Variants in NRG1 observed in about 807,000 individuals in gnomAD.
NRG1 encodes neuregulin 1, also known as pro-neuregulin-1, membrane-bound isoform.
A neutral mutation model predicts 63.8 loss-of-function variants in NRG1; 18 were observed. The observed-to-expected ratio is 0.28, with a 90% confidence interval of 0.19 to 0.42. The LOEUF is 0.42. Among genes scored for constraint, NRG1 ranks in the 10% least tolerant of loss-of-function variants. NRG1 has a pLI of 1.00. For synonymous variants in NRG1, 302 were observed against 301.3 expected (o/e 1.00, Z -0.02); for missense variants, 762 against 814.7 (o/e 0.94, Z 0.79).
At chr8:31,882,048 A>C (rs1330682112) in intron 1 of NRG1, among the ~76,000 whole-genome samples, 1 of 152,158 alleles carries the variant, frequency 6.6e-6, no homozygotes, top group Non-Finnish European at 1.5e-5. Flanking sequence ...TTTCTTTTGG[A>C]AGAAGATGCC....
At chr8:32,255,161 G>A (rs1251636077) in intron 1 of NRG1, among the ~76,000 whole-genome samples, 1 of 152,138 alleles carries the variant, frequency 6.6e-6, no homozygotes, top group Non-Finnish European at 1.5e-5. Flanking sequence ...GCCAGTCTGT[G>A]TCTTTAATTG....
intron 1 of NRG1, among the ~76,000 whole-genome samples, chr8:32,504,522 G>C (rs1828296881): frequency 6.6e-6 from 1 of 152,048 alleles, no homozygotes; most frequent in African/African-American, 2.4e-5. Flanking sequence ...ATACCATCAT[G>C]AAGTGAGGAA....
rs190611738 is a variant in NRG1 at position 31,904,473 on chromosome 8, A to G, written c.37+265042A>G. 2.5e-3 allele frequency among the ~76,000 whole-genome samples: 375 copies of G among 152,320 alleles called. 1 individual carries two copies. Among genetic ancestry groups the G allele is most frequent in the Middle Eastern group, 6.8e-3 (2 of 294 alleles). ...TGTAAATTACCTCAGCTACTGTGGA[A>G]AGCAGTTAGTCAGTTTCTCAAAGAA... is the stretch of plus-strand genomic sequence containing the variant. On this transcript the variant is annotated intron_variant, in intron 1 of 10. Coordinates refer to the NRG1 transcript ENST00000519301.
At chr8:31,902,178 A>G (rs970104234) in intron 1 of NRG1, among the ~76,000 whole-genome samples, 3 of 152,226 alleles carry the variant, frequency 2.0e-5, no homozygotes, top group Non-Finnish European at 2.9e-5. Context: ...TTATTAGAAA[A>G]ACAAGTAGGA....
intron 1 of NRG1, among the ~76,000 whole-genome samples, chr8:32,563,622 A>G (rs947493779): frequency 2.6e-5 from 4 of 152,210 alleles, no homozygotes; most frequent in Non-Finnish European, 4.4e-5. Context: ...GCTGAGCAGC[A>G]GAAAGATATG....
chr8:32,222,396 T>C (rs1845913420), intron 1 of NRG1, among the ~76,000 whole-genome samples: 4 of 152,176 alleles, frequency 2.6e-5, no homozygotes, highest in Admixed American at 2.0e-4. Flanking sequence ...ATTTCTAAAG[T>C]TCTGTGTAAC....
chr8:31,871,902 T>C (rs1171766690), intron 1 of NRG1, among the ~76,000 whole-genome samples: 1 of 152,200 alleles, frequency 6.6e-6, no homozygotes, highest in African/African-American at 2.4e-5. Context: ...GAGAGAAATG[T>C]GAATTCAAAA....
At chr8:32,076,419 G>C (rs1467020347) in intron 1 of NRG1, among the ~76,000 whole-genome samples, 1 of 79,570 alleles carries the variant, frequency 1.3e-5, no homozygotes, top group African/African-American at 4.5e-5. Context: ...ATACCAAAAA[G>C]AAAATAATTC....
At chr8:32,584,057 A>C (rs111977432) in intron 1 of NRG1, among the ~76,000 whole-genome samples, 38,941 of 151,894 alleles carry the variant, frequency 0.26, 5,099 homozygotes, top group South Asian at 0.33. Flanking sequence ...AATAGGGGAG[A>C]CTATTTGGAC....
At chr8:31,978,736 T>C (rs1808595504) in intron 1 of NRG1, among the ~76,000 whole-genome samples, 1 of 152,134 alleles carries the variant, frequency 6.6e-6, no homozygotes, top group South Asian at 2.1e-4. Context: ...CAGCACCCTG[T>C]TTGCCAGATG....
At chr8:32,485,840 T>C (rs1043621233) in intron 1 of NRG1, among the ~76,000 whole-genome samples, 33 of 152,238 alleles carry the variant, frequency 2.2e-4, no homozygotes, top group Admixed American at 1.5e-3. Context: ...ATACCAATTA[T>C]ATCTTTCCCA....
chr8:31,894,081 T>G (rs1831365224), intron 1 of NRG1, among the ~76,000 whole-genome samples: 1 of 152,004 alleles, frequency 6.6e-6, no homozygotes, highest in South Asian at 2.1e-4. Flanking sequence ...AAAATTTTAA[T>G]AGTCTGACAG....
Position 32,073,652 on chromosome 8 carries a change from A to G in NRG1, c.37+434221A>G, listed in dbSNP as rs139992295. 1.1e-3 allele frequency among the ~76,000 whole-genome samples: 174 copies of G among 152,330 alleles called. 2 individuals are homozygous for G. In the East Asian group the frequency reaches 0.012, roughly 11 times the overall value. ...GCTACCCTCCTGGGAAAACATATCT[A>G]GGCATTTGCTAACAGTCATTTAGGC... On this transcript the variant is annotated intron_variant, in intron 1 of 10. Transcript: ENST00000519301.
At chr8:31,955,074 TTTAGTTGATACTA>T (rs1409727645) in intron 1 of NRG1, among the ~76,000 whole-genome samples, 2 of 152,158 alleles carry the variant, frequency 1.3e-5, no homozygotes, top group Non-Finnish European at 2.9e-5. Context: ...TTTTAAATTA[TTTAGTTGATACTA>T]TTAGGTTGGT....
chr8:32,348,120 T>A (rs933203599), intron 1 of NRG1, among the ~76,000 whole-genome samples: 1 of 152,228 alleles, frequency 6.6e-6, no homozygotes, highest in Non-Finnish European at 1.5e-5. Flanking sequence ...AGGGGTTTAT[T>A]GAGTGGTCCT....
At chr8:32,232,102 C>A (rs1489929121) in intron 1 of NRG1, among the ~76,000 whole-genome samples, 1 of 151,508 alleles carries the variant, frequency 6.6e-6, no homozygotes, top group Non-Finnish European at 1.5e-5. Context: ...TGAGGTTTTG[C>A]CATGTTGCCC....
intron 1 of NRG1, among the ~76,000 whole-genome samples, chr8:32,499,817 C>A (rs936622579): frequency 6.6e-6 from 1 of 152,132 alleles, no homozygotes; most frequent in Non-Finnish European, 1.5e-5. Context: ...GTCCAAACTA[C>A]GGTAGTGATA....
At chr8:31,733,815 T>C (rs942904812) in intron 1 of NRG1, among the ~76,000 whole-genome samples, 2 of 152,160 alleles carry the variant, frequency 1.3e-5, no homozygotes, top group African/African-American at 2.4e-5. Flanking sequence ...CACATGACTC[T>C]GCTGTCAGCT....
intron 1 of NRG1, among the ~76,000 whole-genome samples, chr8:31,766,044 G>A (rs544832064): frequency 6.6e-6 from 1 of 151,972 alleles, no homozygotes; most frequent in East Asian, 1.9e-4. Flanking sequence ...GGAGGAACAC[G>A]TATATTTCCC....
Sources: gnomAD v4.1 joint callset for allele counts (sites outside exome capture counted in the v4.1 genomes callset) on GRCh38, gnomAD v4.1.1 for gene constraint, MANE v1.5 for transcripts, NCBI Gene and HGNC (gene_info 2026-07-23, HGNC 2026-07-21) for gene names.